ABTB3: variants seen among roughly 807,000 people sequenced by gnomAD.
ABTB3 encodes the protein ankyrin repeat- and BTB/POZ domain-containing protein 3.
chr12:107,368,685 C>G, the ABTB3 span, among the ~76,000 whole-genome samples: 1 of 152,306 alleles, frequency 6.6e-6, no homozygotes, highest in South Asian at 2.1e-4. Context: ...TCTGGAACTG[C>G]TATGCCAGTC....
At chr12:107,595,702 C>T in the ABTB3 span, among the ~76,000 whole-genome samples, 1 of 152,086 alleles carries the variant, frequency 6.6e-6, no homozygotes, top group African/African-American at 2.4e-5. Flanking sequence ...AATCTCAGTT[C>T]TACTACTGAC....
At chr12:107,583,188 C>T in the ABTB3 span, among the ~76,000 whole-genome samples, 1 of 152,152 alleles carries the variant, frequency 6.6e-6, no homozygotes, top group African/African-American at 2.4e-5. Context: ...AATGAACGTG[C>T]AGTATCCATT....
chr12:107,601,118 A>T, the ABTB3 span, among the ~76,000 whole-genome samples: 1 of 152,240 alleles, frequency 6.6e-6, no homozygotes, highest in Admixed American at 6.5e-5. Flanking sequence ...ATCTCTTTTA[A>T]ACCTCATTGC....
chr12:107,341,147 G>A, the ABTB3 span, among the ~76,000 whole-genome samples: 369 of 152,274 alleles, frequency 2.4e-3, 3 homozygotes, highest in African/African-American at 8.0e-3. Context: ...GCTGTCTCCC[G>A]CAATAGCTGG....
At chr12:107,640,426 G>A in the ABTB3 span, 29 of 1,479,890 alleles carry the variant, frequency 2.0e-5, no homozygotes, top group Non-Finnish European at 2.4e-5. Context: ...ACGTATCATC[G>A]GTTTTGAAAG....
chr12:107,522,331 C>G, the ABTB3 span, among the ~76,000 whole-genome samples: 2 of 152,248 alleles, frequency 1.3e-5, no homozygotes, highest in Admixed American at 1.3e-4. Context: ...CAGAAGTTAT[C>G]ATCCTAAGAT....
the ABTB3 span, among the ~76,000 whole-genome samples, chr12:107,461,473 A>C: frequency 1.3e-5 from 2 of 150,066 alleles, no homozygotes; most frequent in Non-Finnish European, 3.0e-5. Context: ...AAGCCAGGAG[A>C]GGGGCACAAG....
the ABTB3 span, among the ~76,000 whole-genome samples, chr12:107,381,701 T>C: frequency 6.6e-6 from 1 of 152,224 alleles, no homozygotes; most frequent in Non-Finnish European, 1.5e-5. Context: ...CCATTCTGAC[T>C]GCAGCATGGT....
At chr12:107,491,526 A>G in the ABTB3 span, among the ~76,000 whole-genome samples, 1 of 152,178 alleles carries the variant, frequency 6.6e-6, no homozygotes, top group African/African-American at 2.4e-5. Flanking sequence ...GTTAACAACC[A>G]TGAGCCATTT....
chr12:107,521,262 G>GTT, the ABTB3 span, among the ~76,000 whole-genome samples: 2 of 97,708 alleles, frequency 2.0e-5, no homozygotes, highest in African/African-American at 9.2e-5. Flanking sequence ...CTTCATATAA[G>GTT]TTGTGTGTGT....
At chr12:107,374,982 G>A in the ABTB3 span, among the ~76,000 whole-genome samples, 9 of 152,176 alleles carry the variant, frequency 5.9e-5, no homozygotes, top group South Asian at 8.3e-4. Context: ...GCAGTAGCTG[G>A]CTTTGGGGAA....
At chr12:107,411,835 A>T in the ABTB3 span, among the ~76,000 whole-genome samples, 4 of 152,036 alleles carry the variant, frequency 2.6e-5, no homozygotes, top group Admixed American at 2.0e-4. Context: ...GGCTTGATCT[A>T]TGTCTCTGAT....
the ABTB3 span, among the ~76,000 whole-genome samples, chr12:107,405,421 G>T: frequency 2.0e-5 from 3 of 152,216 alleles, no homozygotes; most frequent in Admixed American, 6.5e-5. Context: ...TGGTCAAATG[G>T]TCACTGTTTT....
the ABTB3 span, among the ~76,000 whole-genome samples, chr12:107,532,736 AT>A: frequency 2.0e-5 from 3 of 152,234 alleles, no homozygotes; most frequent in African/African-American, 7.2e-5. Context: ...AAACTGTCAA[AT>A]GTCAAAGACA....
chr12:107,461,160 T>A, the ABTB3 span, among the ~76,000 whole-genome samples: 1 of 152,110 alleles, frequency 6.6e-6, no homozygotes, highest in Non-Finnish European at 1.5e-5. Context: ...GTGAGACTTG[T>A]TCACTACCAC....
At chr12:107,506,363 AAAAGGCAGTTG>A in the ABTB3 span, among the ~76,000 whole-genome samples, 8 of 152,224 alleles carry the variant, frequency 5.3e-5, no homozygotes, top group Admixed American at 5.2e-4. Context: ...AAGCACACTC[AAAAGGCAGTTG>A]AAAAACTGGG....
the ABTB3 span, among the ~76,000 whole-genome samples, chr12:107,556,577 G>T: frequency 6.6e-6 from 1 of 152,218 alleles, no homozygotes; most frequent in Non-Finnish European, 1.5e-5. Flanking sequence ...TAGAGAGAGG[G>T]CAGAAGAGTC....
the ABTB3 span, among the ~76,000 whole-genome samples, chr12:107,465,347 G>T: frequency 1.3e-5 from 2 of 152,118 alleles, no homozygotes; most frequent in Non-Finnish European, 2.9e-5. Context: ...AGGCAGACCA[G>T]CTCCAGGGTG....
chr12:107,383,383 A>G, the ABTB3 span, among the ~76,000 whole-genome samples: 1 of 152,190 alleles, frequency 6.6e-6, no homozygotes, highest in South Asian at 2.1e-4. Flanking sequence ...AGAAGGTCCC[A>G]GAGACAGGCT....
Sources: gnomAD v4.1 joint callset for allele counts (sites outside exome capture counted in the v4.1 genomes callset) on GRCh38, gnomAD v4.1.1 for gene constraint, MANE v1.5 for transcripts, NCBI Gene and HGNC (gene_info 2026-07-23, HGNC 2026-07-21) for gene names.